PTPN12: variants seen among roughly 807,000 people sequenced by gnomAD.
PTPN12 encodes the protein protein tyrosine phosphatase non-receptor type 12.
PTPN12 carries 29 observed loss-of-function variants against 97.6 expected under a neutral mutation model. The observed-to-expected ratio is 0.30, with a 90% CI of 0.22 to 0.41. PTPN12 has a LOEUF of 0.41. Among genes scored for constraint, PTPN12 ranks in the 10% least tolerant of loss-of-function variants. The pLI, the probability that PTPN12 is intolerant of heterozygous loss-of-function variation, is 1.00. For missense variants in PTPN12, 819 were observed against 926.0 expected (o/e 0.88, Z 1.50); for synonymous variants, 327 against 300.4 (o/e 1.09, Z -0.91).
At chr7:77,619,128 A>G (rs1024193971) in intron 12 of PTPN12, among the ~76,000 whole-genome samples, 7 of 152,192 alleles carry the variant, frequency 4.6e-5, no homozygotes, top group Non-Finnish European at 1.0e-4. Context: ...CTTTTTAGCC[A>G]TTTAGCTCTG....
chr7:77,632,422 C>T lies in PTPN12; in HGVS notation c.2071C>T (p.His691Tyr), dbSNP rs1350537606. The T allele has an allele frequency of 1.2e-6, 2 of 1,603,430 alleles. No homozygotes were observed. The highest frequency in any genetic ancestry group is 1.7e-5 in the Admixed American group (1 of 59,952). ...TPESFVLASE[H>Y]NTPVRSEWSE... ...TGAATCGTTTGTGTTAGCAAGTGAA[C>T]ATAGTGAGTGTCTCTTTTGCTTTTA... The change falls in exon 14 of 18, where the codon CAT (histidine) becomes TAT (tyrosine). Residue 691 changes from histidine (H) to tyrosine (Y), a missense_variant. Physicochemically the swap from His to Tyr is moderately conservative, Grantham distance 83. This residue lies in a region of PTPN12 where 607 missense variants were observed against 577.3 expected (regional missense o/e 1.05). Transcript: ENST00000248594.
intron 8 of PTPN12, among the ~76,000 whole-genome samples, chr7:77,604,176 C>T (rs1369772548): frequency 4.9e-5 from 7 of 142,770 alleles, no homozygotes; most frequent in African/African-American, 5.2e-5. Flanking sequence ...GTGTGAGCCA[C>T]GGTTCCCAGC....
intron 1 of PTPN12, among the ~76,000 whole-genome samples, chr7:77,553,345 C>G (rs1807562624): frequency 6.6e-6 from 1 of 152,200 alleles, no homozygotes; most frequent in African/African-American, 2.4e-5. Context: ...TGTCCTTACT[C>G]ATTTCCTGCT....
chr7:77,627,494 C>T lies in PTPN12; in HGVS notation c.1815C>T (p.Asp605=), dbSNP rs1343688066. Residue 605 remains aspartate, a synonymous_variant, in exon 13 of 18, where the codon GAC becomes GAT. Coordinates refer to ENST00000248594, the MANE Select transcript of PTPN12 (RefSeq NM_002835.4). The part of the protein sequence containing the change: ...LSFTNPLHSD[D]SDSDERNSDG... ...TTACTAATCCACTTCACTCTGATGA[C>T]TCAGACTCAGATGAAAGAAACTCTG... is the stretch of plus-strand genomic sequence containing the variant. 6.2e-7 allele frequency: 1 copy of T among 1,613,550 alleles called. No individual in the cohort carries two copies. The highest frequency in any genetic ancestry group is 1.3e-5 in the African/African-American group (1 of 74,930).
At chr7:77,624,621 A>C (rs952998341) in intron 12 of PTPN12, among the ~76,000 whole-genome samples, 2 of 151,610 alleles carry the variant, frequency 1.3e-5, no homozygotes, top group Non-Finnish European at 2.9e-5. Flanking sequence ...TTGTGTTTTT[A>C]GTAGAGACGG....
At chr7:77,554,612 AT>A (rs746857239) in intron 1 of PTPN12, among the ~76,000 whole-genome samples, 4 of 152,052 alleles carry the variant, frequency 2.6e-5, no homozygotes, top group Admixed American at 2.0e-4. Context: ...GACTAGAATA[AT>A]TTGTCTTCTC....
rs533005033 is a variant in PTPN12, at chr7:77,636,870, A to G, written c.2143-148A>G. ...CATAACATTTTAAAATTTTAAGCCTAATTAAAAAACAATTGTTTGCTTTTC... is the reference window on the plus strand; with the variant it reads ...CATAACATTTTAAAATTTTAAGCCTGATTAAAAAACAATTGTTTGCTTTTC... On this transcript the variant is annotated intron_variant, in intron 15 of 17. Transcript: ENST00000248594. The G allele has an allele frequency of 4.0e-4, 229 of 565,894 alleles. 1 individual carries two copies. The highest frequency in any genetic ancestry group is 3.9e-3 in the African/African-American group (206 of 52,228). 35.1% of individuals were successfully genotyped at this position (565,894 alleles called of 1,614,324 possible). A position where few individuals can be genotyped will look rare whatever the true frequency, so the allele number is the denominator to read the frequency against.
At chr7:77,550,045 T>C (rs1447026935) in intron 1 of PTPN12, among the ~76,000 whole-genome samples, 1 of 152,234 alleles carries the variant, frequency 6.6e-6, no homozygotes, top group Non-Finnish European at 1.5e-5. Context: ...CTAAAATTTA[T>C]GTGTTACTAT....
At position 77,627,480 on chromosome 7, in the gene PTPN12, C is replaced by T. The variant is rs769267922; in HGVS notation, c.1801C>T (p.Leu601Phe). ...FRTPLSFTNP[L>F]HSDDSDSDER... Reference sequence around the variant, plus strand: ...AACACCCCTCAGTTTTACTAATCCACTTCACTCTGATGACTCAGACTCAGA... The same window carrying T: ...AACACCCCTCAGTTTTACTAATCCATTTCACTCTGATGACTCAGACTCAGA... The change falls in exon 13 of 18, where the codon CTT becomes TTT. Residue 601 changes from leucine to phenylalanine, a missense_variant. Leu to Phe is a conservative substitution (Grantham distance 22, BLOSUM62 0). This residue lies in a region of PTPN12 where 607 missense variants were observed against 577.3 expected (regional missense o/e 1.05). Coordinates refer to ENST00000248594, the MANE Select transcript of PTPN12 (RefSeq NM_002835.4). 3.1e-6 allele frequency: 5 copies of T among 1,613,538 alleles called. No homozygotes were observed. The African/African-American group carries it at 4.0e-5, about 13-fold the overall frequency.
At chr7:77,569,825 G>A (rs1026210920) in intron 1 of PTPN12, among the ~76,000 whole-genome samples, 5 of 152,180 alleles carry the variant, frequency 3.3e-5, no homozygotes, top group Non-Finnish European at 7.3e-5. Context: ...ATCATTTCAT[G>A]TGTGTCCCAT....
At chr7:77,557,290 T>C (rs1055198498) in intron 1 of PTPN12, among the ~76,000 whole-genome samples, 2 of 152,148 alleles carry the variant, frequency 1.3e-5, no homozygotes, top group Non-Finnish European at 2.9e-5. Context: ...TTAACCCTCA[T>C]AGTTGTTCAC....
At chr7:77,613,971 G>A (rs1476004980) in intron 11 of PTPN12, among the ~76,000 whole-genome samples, 4 of 151,950 alleles carry the variant, frequency 2.6e-5, no homozygotes, top group African/African-American at 4.8e-5. Context: ...GGCTCACTGC[G>A]CCCTCAACCT....
intron 6 of PTPN12, among the ~76,000 whole-genome samples, chr7:77,596,793 G>A (rs1788035856): frequency 6.6e-6 from 1 of 152,106 alleles, no homozygotes; most frequent in South Asian, 2.1e-4. Context: ...TATACACCCT[G>A]TCCCCACACA....
rs1787593444 is a variant in PTPN12, at chr7:77,583,639, T to A, written c.370T>A (p.Tyr124Asn). 1.9e-6 allele frequency: 3 copies of A among 1,581,498 alleles called. No homozygotes were observed. The highest frequency in any genetic ancestry group is 2.6e-6 in the Non-Finnish European group (3 of 1,156,962). ...VIDFWRMIWE[Y>N]NVVIIVMACR... is the part of the protein sequence containing the mutation. ...AGATTTTTGGAGGATGATATGGGAG[T>A]ATAATGTTGTGGTAAGTAATTTACT... The change falls in exon 4 of 18, where the codon TAT becomes AAT. Residue 124 changes from tyrosine (Y) to asparagine (N), a missense_variant. Tyr to Asn is a moderately radical substitution (Grantham distance 143). Transcript: ENST00000248594.
At chr7:77,564,538 G>A (rs956407087) in intron 1 of PTPN12, among the ~76,000 whole-genome samples, 7 of 151,920 alleles carry the variant, frequency 4.6e-5, no homozygotes, top group African/African-American at 1.2e-4. Context: ...GAAATTTTCC[G>A]GAGCAATTAG....
chr7:77,580,724 A>T (rs1245445430), intron 2 of PTPN12, among the ~76,000 whole-genome samples: 1 of 152,218 alleles, frequency 6.6e-6, no homozygotes, highest in Non-Finnish European at 1.5e-5. Context: ...AACTATTATT[A>T]GCCAAGAGCA....
chr7:77,542,794 A>G (rs1273248088), intron 1 of PTPN12, among the ~76,000 whole-genome samples: 1 of 152,176 alleles, frequency 6.6e-6, no homozygotes, highest in East Asian at 1.9e-4. Flanking sequence ...TTAATTTTCA[A>G]CATGTTAAAA....
intron 1 of PTPN12, among the ~76,000 whole-genome samples, chr7:77,540,205 C>T (rs1373927131): frequency 1.3e-5 from 2 of 151,486 alleles, no homozygotes; most frequent in African/African-American, 4.9e-5. Context: ...TCAGGGATTC[C>T]TATTGGAGAG....
chr7:77,634,969 G>C (rs1040353635), intron 14 of PTPN12, among the ~76,000 whole-genome samples: 4 of 152,112 alleles, frequency 2.6e-5, no homozygotes, highest in Admixed American at 1.3e-4. Context: ...TCCTGCCTCA[G>C]CCTCCTGAGT....
Sources: allele counts gnomAD v4.1 joint callset (sites outside exome capture counted in the v4.1 genomes callset), GRCh38; gene constraint gnomAD v4.1.1; regional missense constraint gnomAD v4.1.1; transcripts MANE v1.5; gene names NCBI Gene and HGNC (gene_info 2026-07-23, HGNC 2026-07-21).